The following AUTS2 variants were observed in gnomAD, a reference collection of about 807,000 sequenced individuals.
The protein encoded by AUTS2 is autism susceptibility gene 2 protein.
AUTS2 carries 17 observed loss-of-function variants against 112.4 expected under a neutral mutation model. The observed-to-expected ratio is 0.15, with a 90% CI of 0.10 to 0.23. The LOEUF (loss-of-function observed/expected upper bound fraction) is 0.23. Among genes scored for constraint, AUTS2 ranks in the 10% least tolerant of loss-of-function variants. The pLI is 1.00. For missense variants in AUTS2, 1,510 were observed against 1,701.6 expected, an observed-to-expected ratio of 0.89 and a Z score of 1.98; for synonymous variants, 751 against 702.7, an observed-to-expected ratio of 1.07 and a Z score of -1.09.
chr7:70,743,671 T>C (rs1213385712), intron 6 of AUTS2, among the ~76,000 whole-genome samples: 1 of 152,146 alleles, frequency 6.6e-6, no homozygotes, highest in Non-Finnish European at 1.5e-5. Flanking sequence ...CTGTGGGATT[T>C]GTGGTGCCTT....
chr7:70,147,617 A>G (rs576324436), intron 4 of AUTS2, among the ~76,000 whole-genome samples: 1 of 152,268 alleles, frequency 6.6e-6, no homozygotes, highest in Admixed American at 6.5e-5. Context: ...AAATAGTCTT[A>G]AAGGAAGGTT....
rs1787175075 is a variant in AUTS2, at chr7:70,261,667, G to C, written c.660+127096G>C. 3.9e-5 allele frequency among the ~76,000 whole-genome samples: 6 copies of C among 152,110 alleles called. No individual in the cohort carries two copies. The South Asian group carries it at 1.2e-3, about 31-fold the overall frequency. On this transcript the variant is annotated intron_variant, in intron 4 of 18. Transcript: ENST00000342771. ...AATATCAGTTTCCCTAATGGACTCA[G>C]CTGGACTCAAGTTAATTGACTTAAT... is the stretch of plus-strand genomic sequence containing the variant.
chr7:70,787,315 C>A lies in AUTS2; in HGVS notation c.2415C>A (p.Thr805=). Residue 805 remains threonine (T), a synonymous_variant, in exon 18 of 19, where the codon ACC becomes ACA. Coordinates refer to ENST00000342771, the MANE Select transcript of AUTS2 (RefSeq NM_015570.4). ...RLHRTPPSFP[T]PPPWLKPGEL... ...ACCGAACGCCTCCGTCGTTCCCGAC[C>A]CCTCCGCCCTGGCTGAAGCCAGGGG... The A allele has an allele frequency of 6.2e-7, 1 of 1,614,202 alleles. No homozygotes were observed.
rs564019816 is a variant in AUTS2 at position 70,043,357 on chromosome 7, C to T, written c.523-74775C>T. On this transcript the variant is annotated intron_variant, in intron 2 of 18. Coordinates refer to ENST00000342771, the MANE Select transcript of AUTS2 (RefSeq NM_015570.4). ...TCCTCTCCCTTGAATAATACAGAAA[C>T]GTTGGACATAATTATGACACAGATT... 1.4e-4 allele frequency among the ~76,000 whole-genome samples: 21 copies of T among 152,086 alleles called. No individual in the cohort carries two copies. The South Asian group carries it at 3.7e-3, about 27-fold the overall frequency.
intron 6 of AUTS2, among the ~76,000 whole-genome samples, chr7:70,736,705 G>A (rs1425677330): frequency 6.6e-6 from 1 of 152,200 alleles, no homozygotes; most frequent in Non-Finnish European, 1.5e-5. Flanking sequence ...ATGCCCAACT[G>A]TTAGGGGAAT....
At chr7:69,609,316 A>G (rs969550562) in intron 1 of AUTS2, among the ~76,000 whole-genome samples, 3 of 152,218 alleles carry the variant, frequency 2.0e-5, no homozygotes, top group African/African-American at 7.2e-5. Flanking sequence ...TTCAGCTAAG[A>G]AATGTTCTGA....
rs961955169 is a variant in AUTS2, at chr7:70,001,701, C to A, written c.522+102203C>A. Among the ~76,000 whole-genome samples the A allele has an allele frequency of 2.0e-5, 3 of 150,204 alleles. No individual in the cohort carries two copies. In the Admixed American group the frequency reaches 2.0e-4, roughly 10 times the overall value. ...TCCTGATGCAATTGAATTATAGCCT[C>A]ATTGTCATATTTTTTTTTTTTTTTT... On this transcript the variant is annotated intron_variant, in intron 2 of 18. Coordinates refer to ENST00000342771, the MANE Select transcript of AUTS2 (RefSeq NM_015570.4).
At chr7:70,467,180 A>G (rs1261178064) in intron 5 of AUTS2, among the ~76,000 whole-genome samples, 1 of 152,242 alleles carries the variant, frequency 6.6e-6, no homozygotes, top group Non-Finnish European at 1.5e-5. Flanking sequence ...TCTCTACTGC[A>G]CAAGGCATAA....
chr7:70,182,222 G>T (rs936333856), intron 4 of AUTS2, among the ~76,000 whole-genome samples: 8 of 152,274 alleles, frequency 5.3e-5, no homozygotes, highest in Middle Eastern at 3.4e-3. Context: ...AACCATCCTA[G>T]CTTAACCTTT....
intron 4 of AUTS2, among the ~76,000 whole-genome samples, chr7:70,431,158 A>G (rs1255496289): frequency 6.6e-6 from 1 of 151,858 alleles, no homozygotes; most frequent in African/African-American, 2.4e-5. Flanking sequence ...TTTTAAAGTG[A>G]TGTTACAGGA....
chr7:70,318,959 G>A lies in AUTS2; in HGVS notation c.661-116793G>A, dbSNP rs1267006377. Among the ~76,000 whole-genome samples, 4 of 152,148 alleles carry A rather than the reference G, an allele frequency of 2.6e-5. No homozygotes were observed. The East Asian group carries it at 7.7e-4, about 29-fold the overall frequency. On this transcript the variant is annotated intron_variant, in intron 4 of 18. Transcript: ENST00000342771. ...CTGAGACAGAAAGTGAGTATTTTAT[G>A]TGCTGTCTCTTTTCAAGCAAGATGG...
chr7:70,693,278 C>T (rs929038681), intron 5 of AUTS2, among the ~76,000 whole-genome samples: 5 of 152,196 alleles, frequency 3.3e-5, no homozygotes, highest in African/African-American at 1.2e-4. Context: ...CTGCACTGTG[C>T]TCTAGGGGAT....
intron 1 of AUTS2, among the ~76,000 whole-genome samples, chr7:69,661,329 T>C (rs1399324023): frequency 6.6e-6 from 1 of 152,216 alleles, no homozygotes; most frequent in Non-Finnish European, 1.5e-5. Flanking sequence ...GGGAAAAATC[T>C]TAAAGGGTAA....
chr7:69,934,068 G>T (rs1218307853), intron 2 of AUTS2, among the ~76,000 whole-genome samples: 7 of 152,216 alleles, frequency 4.6e-5, no homozygotes, highest in African/African-American at 1.7e-4. Flanking sequence ...AAGGAAAACA[G>T]TTAGCTGCGG....
At chr7:69,909,798 A>C (rs1047170838) in intron 2 of AUTS2, among the ~76,000 whole-genome samples, 2 of 152,194 alleles carry the variant, frequency 1.3e-5, no homozygotes, top group African/African-American at 4.8e-5. Context: ...AGTAGGTAGC[A>C]TTCTTTTTTT....
At chr7:70,774,155 G>C in intron 12 of AUTS2, 56 bp downstream of exon 12, 5 of 1,525,438 alleles carry the variant, frequency 3.3e-6, no homozygotes, top group Non-Finnish European at 4.5e-6. Flanking sequence ...GTGTTTGCAC[G>C]GGACGGCCAG....
At chr7:70,562,087 C>G (rs577270411) in intron 5 of AUTS2, among the ~76,000 whole-genome samples, 114 of 152,274 alleles carry the variant, frequency 7.5e-4, no homozygotes, top group African/African-American at 2.6e-3. Context: ...CCTTCTGCCT[C>G]GAGTAAAACT....
chr7:70,449,654 T>TTTA (rs1232239554), intron 5 of AUTS2, among the ~76,000 whole-genome samples: 1 of 152,194 alleles, frequency 6.6e-6, no homozygotes, highest in African/African-American at 2.4e-5. Context: ...AAGTTGACAC[T>TTTA]TTATAGTGAT....
chr7:70,460,338 C>CTTTTT (rs10537541), intron 5 of AUTS2, among the ~76,000 whole-genome samples: 7 of 38,218 alleles, frequency 1.8e-4, no homozygotes, highest in South Asian at 4.6e-3. Flanking sequence ...ACAGCCTGGT[C>CTTTTT]TTTTTTTTTT....
Sources: allele counts gnomAD v4.1 joint callset (sites outside exome capture counted in the v4.1 genomes callset), GRCh38; gene constraint gnomAD v4.1.1; transcripts MANE v1.5; gene names NCBI Gene and HGNC (gene_info 2026-07-23, HGNC 2026-07-21).